The following PGP variants were observed in gnomAD, a reference collection of about 807,000 sequenced individuals.
PGP encodes phosphoglycolate phosphatase.
PGP carries 9 observed loss-of-function variants against 19.3 expected under a neutral mutation model. The ratio of observed to expected loss-of-function variants is 0.47; its 90% CI spans 0.28 to 0.81. PGP has a LOEUF of 0.81. Ranked by LOEUF, PGP falls within the 40% of genes least tolerant of loss-of-function variation. PGP has a pLI of 0.11. For missense variants in PGP, 403 were observed against 479.9 expected (o/e 0.84, Z 1.50); for synonymous variants, 308 against 226.8 (o/e 1.36, Z -3.22).
In PGP at chr16:2,213,542, G is replaced by T; in HGVS notation, c.*186C>A. On this transcript the variant is annotated 3_prime_UTR_variant, in exon 2 of 2. Transcript: ENST00000333503. ...CCTAAAAGTGCATCTTCGATTACAA[G>T]CATCTGTAAACAAAATCGTCCCCCA... 3.0e-6 allele frequency: 2 copies of T among 677,300 alleles called. No homozygotes were observed. The highest frequency in any genetic ancestry group is 4.4e-6 in the Non-Finnish European group (2 of 454,038). 42.0% of individuals were successfully genotyped at this position (677,300 alleles called of 1,614,324 possible). A position where few individuals can be genotyped will look rare whatever the true frequency, so the allele number is the denominator to read the frequency against.
In PGP at chr16:2,213,866, G is replaced by A. The variant is rs754960445; in HGVS notation, c.828C>T (p.Thr276=). The A allele has an allele frequency of 1.2e-6, 2 of 1,613,124 alleles. No individual in the cohort carries two copies. The highest frequency in any genetic ancestry group is 2.2e-5 in the South Asian group (2 of 91,062). ...TGGAGACTCCGGTGAGGGTCAGGATGGTCTTCAGGCCACAGGTGGCGCCTA... is the reference window on the plus strand; with the variant it reads ...TGGAGACTCCGGTGAGGGTCAGGATAGTCTTCAGGCCACAGGTGGCGCCTA... The part of the protein sequence containing the change: ...ILLGATCGLK[T]ILTLTGVSTL... Residue 276 remains threonine, a synonymous_variant, in exon 2 of 2, where the codon ACC becomes ACT. Coordinates refer to ENST00000333503, the MANE Select transcript of PGP (RefSeq NM_001042371.3).
Position 2,214,214 on chromosome 16 carries a change from C to T in PGP, c.564G>A (p.Leu188=), listed in dbSNP as rs1325959256. Residue 188 remains leucine (L), a synonymous_variant, in exon 1 of 2, where the codon CTG becomes CTA. Coordinates refer to ENST00000333503, the MANE Select transcript of PGP (RefSeq NM_001042371.3). The surrounding 1 kb of genome is among the most constrained non-coding windows in gnomAD (Gnocchi z 7.1). ...CCACGAGCAGGCAGCCGGGCTGCTGCAGGTAGCGCAGGGCCTTGGTGAGCT... is the reference window on the plus strand; with the variant it reads ...CCACGAGCAGGCAGCCGGGCTGCTGTAGGTAGCGCAGGGCCTTGGTGAGCT... ...YMKLTKALRY[L]QQPGCLLVGT... 6.3e-7 allele frequency: 1 copy of T among 1,595,568 alleles called. No homozygotes were observed. Among genetic ancestry groups the T allele is most frequent in the East Asian group, 2.2e-5 (1 of 44,770 alleles).
chr16:2,213,989 C>T lies in PGP; in HGVS notation c.705G>A (p.Lys235=), dbSNP rs1567288077. 3.1e-6 allele frequency: 5 copies of T among 1,608,558 alleles called. No homozygotes were observed. In the South Asian group the frequency reaches 4.4e-5, roughly 14 times the overall value. Residue 235 remains lysine (K), a synonymous_variant, in exon 2 of 2, where the codon AAG becomes AAA. Coordinates refer to ENST00000333503, the MANE Select transcript of PGP (RefSeq NM_001042371.3). Reference sequence around the variant, plus strand: ...CGCAGTCGAAAATGAAGCGGCTGGGCTTCCCGATGATGTCGGCCTGGCGCT... The same window carrying T: ...CGCAGTCGAAAATGAAGCGGCTGGGTTTCCCGATGATGTCGGCCTGGCGCT... The part of the protein sequence containing the change: ...AAQRQADIIG[K]PSRFIFDCVS...
rs749823199 is a variant in PGP, at chr16:2,213,740, G to A, written c.954C>T (p.Ala318=). 4.6e-6 allele frequency: 7 copies of A among 1,533,348 alleles called. No individual in the cohort carries two copies. Among genetic ancestry groups the A allele is most frequent in the African/African-American group, 1.4e-5 (1 of 71,940 alleles). The allele number at this position is 1,533,348 out of a possible 1,614,324, so 95.0% of individuals were successfully genotyped here. A position where few individuals can be genotyped will look rare whatever the true frequency, so the allele number is the denominator to read the frequency against. Residue 318 remains alanine (A), a synonymous_variant, in exon 2 of 2, where the codon GCC becomes GCT. Transcript: ENST00000333503. The part of the protein sequence containing the change: ...YVDSIADLLP[A]LQG ...AGACACTCAATCTTTAACCTTGAAG[G>A]GCAGGCAAAAGGTCGGCTATGCTGT...
rs2093378830 is a variant in PGP at position 2,212,837 on chromosome 16, T to G, written c.*891A>C. The G allele has an allele frequency of 1.0e-6, 1 of 985,382 alleles. No individual in the cohort carries two copies. Among genetic ancestry groups the G allele is most frequent in the African/African-American group, 1.7e-5 (1 of 57,254 alleles). The allele number at this position is 985,382 out of a possible 1,614,324, so 61.0% of individuals were successfully genotyped here. ...CTGCAGGGCACAGAGGCTCCTTCAG[T>G]GGAATTTTGCCTACGACACAGAGCA... On this transcript the variant is annotated 3_prime_UTR_variant, in exon 2 of 2. Transcript: ENST00000333503.
At position 2,212,810 on chromosome 16, in the gene PGP, G is replaced by A. The variant is rs2093378761; in HGVS notation, c.*918C>T. The A allele has an allele frequency of 9.1e-6, 9 of 985,508 alleles. No homozygotes were observed. Among genetic ancestry groups the A allele is most frequent in the Non-Finnish European group, 1.1e-5 (9 of 829,956 alleles). 61.0% of individuals were successfully genotyped at this position (985,508 alleles called of 1,614,324 possible). A position where few individuals can be genotyped will look rare whatever the true frequency, so the allele number is the denominator to read the frequency against. ...CAACACATGCTTCAGCCGCGCTGCCGGCTGCAGGGCACAGAGGCTCCTTCA... is the reference window on the plus strand; with the variant it reads ...CAACACATGCTTCAGCCGCGCTGCCAGCTGCAGGGCACAGAGGCTCCTTCA... On this transcript the variant is annotated 3_prime_UTR_variant, in exon 2 of 2. Transcript: ENST00000333503.
chr16:2,212,093 G>T lies in PGP; in HGVS notation c.*1635C>A, dbSNP rs1394557362. 1 of 985,422 alleles carries T rather than the reference G, an allele frequency of 1.0e-6. No individual in the cohort carries two copies. Among genetic ancestry groups the T allele is most frequent in the East Asian group, 1.1e-4 (1 of 8,826 alleles). 61.0% of individuals were successfully genotyped at this position (985,422 alleles called of 1,614,324 possible). On this transcript the variant is annotated 3_prime_UTR_variant, in exon 2 of 2. Coordinates refer to ENST00000333503, the MANE Select transcript of PGP (RefSeq NM_001042371.3). ...CACGGGGACTCCCAGCCCCTACCCGGCAAGAGAGGCATCACTGAGGCTGCA... is the reference window on the plus strand; with the variant it reads ...CACGGGGACTCCCAGCCCCTACCCGTCAAGAGAGGCATCACTGAGGCTGCA...
Position 2,213,786 on chromosome 16 carries a change from A to G in PGP, c.908T>C (p.Met303Thr), listed in dbSNP as rs766395719. Reference protein sequence around the residue: ...QESDCVSKKKMVPDFYVDSIA... With the variant: ...QESDCVSKKKTVPDFYVDSIA... ...GCTGTCAACATAGAAGTCAGGGACC[A>G]TTTTCTTCTTAGACACGCAGTCACT... is the stretch of plus-strand genomic sequence containing the variant. The change falls in exon 2 of 2, where the codon ATG (methionine) becomes ACG (threonine). Residue 303 changes from methionine (M) to threonine (T), a missense_variant. By Grantham distance (81) the Met-to-Thr change is moderately conservative. Transcript: ENST00000333503. 6.3e-7 allele frequency: 1 copy of G among 1,597,464 alleles called. No homozygotes were observed. Among genetic ancestry groups the G allele is most frequent in the South Asian group, 1.1e-5 (1 of 90,156 alleles).
At position 2,213,880 on chromosome 16, in the gene PGP, A is replaced by T; in HGVS notation, c.814T>A (p.Cys272Ser). 1.2e-6 allele frequency: 2 copies of T among 1,613,238 alleles called. No homozygotes were observed. The highest frequency in any genetic ancestry group is 1.7e-6 in the Non-Finnish European group (2 of 1,179,462). Residue 272 changes from cysteine (C) to serine (S), a missense_variant, in exon 2 of 2, where the codon TGT becomes AGT. Coordinates refer to ENST00000333503, the MANE Select transcript of PGP (RefSeq NM_001042371.3). ...AGGGTCAGGATGGTCTTCAGGCCACAGGTGGCGCCTAGGAGGATGTCTGTG... is the reference window on the plus strand; with the variant it reads ...AGGGTCAGGATGGTCTTCAGGCCACTGGTGGCGCCTAGGAGGATGTCTGTG... ...LDTDILLGAT[C>S]GLKTILTLTG...
chr16:2,212,125 A>G lies in PGP; in HGVS notation c.*1603T>C, dbSNP rs563831594. The stretch of plus-strand genomic sequence containing the variant: ...AGGCATCACTGAGGCTGCATCTGCC[A>G]TGCGCTCCTGGTGTGACTGCACCCT... On this transcript the variant is annotated 3_prime_UTR_variant, in exon 2 of 2. Coordinates refer to ENST00000333503, the MANE Select transcript of PGP (RefSeq NM_001042371.3). 4.1e-6 allele frequency: 4 copies of G among 985,630 alleles called. No individual in the cohort carries two copies. In the African/African-American group the frequency reaches 5.2e-5, roughly 13 times the overall value. 61.1% of individuals were successfully genotyped at this position (985,630 alleles called of 1,614,324 possible). A position where few individuals can be genotyped will look rare whatever the true frequency, so the allele number is the denominator to read the frequency against.
chr16:2,214,352 G>C lies in PGP; in HGVS notation c.426C>G (p.Gly142=). 6.6e-7 allele frequency: 1 copy of C among 1,511,234 alleles called. No homozygotes were observed. The highest frequency in any genetic ancestry group is 8.8e-7 in the Non-Finnish European group (1 of 1,137,340). 93.6% of individuals were successfully genotyped at this position (1,511,234 alleles called of 1,614,324 possible). The part of the protein sequence containing the change: ...ELEAVGVASV[G]VGPEPLQGEG... ...CGCCCTGCAGTGGCTCGGGCCCCACGCCCACGCTGGCGACGCCCACGGCCT... is the reference window on the plus strand; with the variant it reads ...CGCCCTGCAGTGGCTCGGGCCCCACCCCCACGCTGGCGACGCCCACGGCCT... Residue 142 remains glycine, a synonymous_variant, in exon 1 of 2, where the codon GGC becomes GGG. Transcript: ENST00000333503. The surrounding 1 kb of genome is among the most constrained non-coding windows in gnomAD (Gnocchi z 7.1).
rs768272971 is a variant in PGP, at chr16:2,214,597, TGCCGCGGGCTCGCAGCGCCCGCAGG to T, written c.156_180del (p.Leu53SerfsTer119). 1 of 1,467,030 alleles carries T rather than the reference TGCCGCGGGCTCGCAGCGCCCGCAGG, an allele frequency of 6.8e-7. No homozygotes were observed. Among genetic ancestry groups the T allele is most frequent in the Non-Finnish European group, 9.0e-7 (1 of 1,113,524 alleles). 90.9% of individuals were successfully genotyped at this position (1,467,030 alleles called of 1,614,324 possible). A position where few individuals can be genotyped will look rare whatever the true frequency, so the allele number is the denominator to read the frequency against. ...TTGTTGGTGATGAAGCCCAGGCGCT[TGCCGCGGGCTCGCAGCGCCCGCAGG>T]GCCTCGGGCGCGCCAGGCACGGCGG... On this transcript the variant is annotated frameshift_variant, in exon 1 of 2. Transcript: ENST00000333503. LOFTEE classifies it high-confidence loss of function. The surrounding 1 kb of genome is among the most constrained non-coding windows in gnomAD (Gnocchi z 7.1).
Position 2,212,097 on chromosome 16 carries a change from G to A in PGP, c.*1631C>T, listed in dbSNP as rs1338745358. ...GGGACTCCCAGCCCCTACCCGGCAAGAGAGGCATCACTGAGGCTGCATCTG... is the reference window on the plus strand; with the variant it reads ...GGGACTCCCAGCCCCTACCCGGCAAAAGAGGCATCACTGAGGCTGCATCTG... On this transcript the variant is annotated 3_prime_UTR_variant, in exon 2 of 2. Coordinates refer to ENST00000333503, the MANE Select transcript of PGP (RefSeq NM_001042371.3). The A allele has an allele frequency of 3.0e-6, 3 of 985,574 alleles. No homozygotes were observed. Among genetic ancestry groups the A allele is most frequent in the Non-Finnish European group, 3.6e-6 (3 of 829,946 alleles). The allele number at this position is 985,574 out of a possible 1,614,324, so 61.1% of individuals were successfully genotyped here.
chr16:2,214,163 C>A lies in PGP; in HGVS notation c.615G>T (p.Pro205=), dbSNP rs763251124. The change falls in exon 1 of 2, where the codon CCG becomes CCT. Residue 205 remains proline (P), a synonymous_variant. Coordinates refer to ENST00000333503, the MANE Select transcript of PGP (RefSeq NM_001042371.3). This position sits in a 1 kb window ranked among gnomAD's most constrained non-coding sequence, Gnocchi z 7.1. ...LVGTNMDNRL[P]LENGRFIAGT... is the part of the protein sequence containing the mutation. ...CCGCGATGAAGCGGCCGTTCTCAAG[C>A]GGAAGCCGGTTGTCCATGTTGGTGC... The A allele has an allele frequency of 1.9e-5, 30 of 1,593,032 alleles. No homozygotes were observed. Among genetic ancestry groups the A allele is most frequent in the Middle Eastern group, 1.8e-4 (1 of 5,564 alleles).
At position 2,214,424 on chromosome 16, in the gene PGP, C is replaced by T; in HGVS notation, c.354G>A (p.Ala118=). Residue 118 remains alanine (A), a synonymous_variant, in exon 1 of 2, where the codon GCG becomes GCA. Coordinates refer to ENST00000333503, the MANE Select transcript of PGP (RefSeq NM_001042371.3). This position sits in a 1 kb window ranked among gnomAD's most constrained non-coding sequence, Gnocchi z 7.1. The part of the protein sequence containing the change: ...YLRQRLAGAP[A]PKAYVLGSPA... ...GGCTGCCCAGCACGTAGGCCTTGGG[C>T]GCGGGGGCGCCGGCCAGGCGCTGGC... 1.5e-6 allele frequency: 2 copies of T among 1,332,876 alleles called. No individual in the cohort carries two copies. The highest frequency in any genetic ancestry group is 4.1e-5 in the South Asian group (2 of 48,376). The allele number at this position is 1,332,876 out of a possible 1,614,324, so 82.6% of individuals were successfully genotyped here. A position where few individuals can be genotyped will look rare whatever the true frequency, so the allele number is the denominator to read the frequency against.
rs200929543 is a variant in PGP at position 2,213,824 on chromosome 16, C to A, written c.870G>T (p.Lys290Asn). The A allele has an allele frequency of 6.2e-7, 1 of 1,608,074 alleles. No individual in the cohort carries two copies. Among genetic ancestry groups the A allele is most frequent in the South Asian group, 1.1e-5 (1 of 90,874 alleles). Residue 290 changes from lysine to asparagine, a missense_variant, in exon 2 of 2, where the codon AAG becomes AAT. Lys to Asn is a moderately conservative substitution (Grantham distance 94, BLOSUM62 0). Transcript: ENST00000333503. ...ACACGCAGTCACTTTCCTGATTATT[C>A]TTCACATCCCCTAGAGTGGAGACTC... ...LTGVSTLGDV[K>N]NNQESDCVSK...
In PGP at chr16:2,212,120, C is replaced by G. The variant is rs1255387205; in HGVS notation, c.*1608G>C. Reference sequence around the variant, plus strand: ...AAGAGAGGCATCACTGAGGCTGCATCTGCCATGCGCTCCTGGTGTGACTGC... The same window carrying G: ...AAGAGAGGCATCACTGAGGCTGCATGTGCCATGCGCTCCTGGTGTGACTGC... On this transcript the variant is annotated 3_prime_UTR_variant, in exon 2 of 2. Coordinates refer to ENST00000333503, the MANE Select transcript of PGP (RefSeq NM_001042371.3). 2 of 985,496 alleles carry G rather than the reference C, an allele frequency of 2.0e-6. No homozygotes were observed. The highest frequency in any genetic ancestry group is 1.7e-5 in the African/African-American group (1 of 57,264). 61.0% of individuals were successfully genotyped at this position (985,496 alleles called of 1,614,324 possible). A position where few individuals can be genotyped will look rare whatever the true frequency, so the allele number is the denominator to read the frequency against.
rs540031334 is a variant in PGP, at chr16:2,214,072, C to T, written c.641-19G>A. On this transcript the variant is annotated intron_variant, in intron 1 of 1. Coordinates refer to ENST00000333503, the MANE Select transcript of PGP (RefSeq NM_001042371.3). This position sits in a 1 kb window ranked among gnomAD's most constrained non-coding sequence, Gnocchi z 7.1. ...CCGGTACCTGCGGGGCACAGGGGAC[C>T]GGGTCAAAGGGCAGGGAGGGGGCCC... 9.4e-6 allele frequency: 15 copies of T among 1,597,502 alleles called. No homozygotes were observed. The highest frequency in any genetic ancestry group is 8.0e-5 in the African/African-American group (6 of 74,778).
rs2093379138 is a variant in PGP at position 2,212,949 on chromosome 16, C to G, written c.*779G>C. ...CTGGTAGCAGCACTGCTCTGAGCTC[C>G]CTGCACTGCAGCCCGGAGTTCAGTG... On this transcript the variant is annotated 3_prime_UTR_variant, in exon 2 of 2. Coordinates refer to ENST00000333503, the MANE Select transcript of PGP (RefSeq NM_001042371.3). The G allele has an allele frequency of 2.0e-6, 2 of 985,378 alleles. No individual in the cohort carries two copies. The highest frequency in any genetic ancestry group is 1.2e-6 in the Non-Finnish European group (1 of 829,960). The allele number at this position is 985,378 out of a possible 1,614,324, so 61.0% of individuals were successfully genotyped here.
Sources: allele counts gnomAD v4.1 joint callset, GRCh38; gene constraint gnomAD v4.1.1; non-coding constraint Gnocchi (gnomAD v3.1); transcripts MANE v1.5; gene names NCBI Gene and HGNC (gene_info 2026-07-23, HGNC 2026-07-21).